The following WDPCP variants were observed in gnomAD, a reference collection of about 807,000 sequenced individuals.
The protein encoded by WDPCP is WD repeat containing planar cell polarity effector.
WDPCP carries 71 observed loss-of-function variants against 93.1 expected under a neutral mutation model. The observed-to-expected ratio is 0.76, with a 90% CI of 0.63 to 0.93. The LOEUF is 0.93. Ranked by LOEUF, WDPCP falls within the 40% of genes least tolerant of loss-of-function variation. The pLI is 0.00. For synonymous variants in WDPCP, 315 were observed against 315.0 expected (o/e 1.00, Z 0.00); for missense variants, 844 against 887.4 (o/e 0.95, Z 0.62).
At chr2:63,812,079 G>T (rs888575989) in intron 2 of WDPCP, among the ~76,000 whole-genome samples, 2 of 151,918 alleles carry the variant, frequency 1.3e-5, no homozygotes, top group Non-Finnish European at 1.5e-5. Flanking sequence ...TGCGCAAGCT[G>T]GTCTCGAACT....
intron 1 of WDPCP, among the ~76,000 whole-genome samples, chr2:63,530,891 T>C (rs1703782899): frequency 6.6e-6 from 1 of 151,304 alleles, no homozygotes. Context: ...AAGGCGGGCA[T>C]TGCCTCATCC....
chr2:63,753,808 C>T (rs982524148), intron 2 of WDPCP, among the ~76,000 whole-genome samples: 1 of 152,130 alleles, frequency 6.6e-6, no homozygotes, highest in Non-Finnish European at 1.5e-5. Context: ...GGTAGGGACA[C>T]AGATCCAAAC....
chr2:63,742,124 A>G (rs544748891), intron 2 of WDPCP, among the ~76,000 whole-genome samples: 3 of 152,190 alleles, frequency 2.0e-5, no homozygotes, highest in East Asian at 3.9e-4. Context: ...CTGTATGTCC[A>G]GGAATATTAG....
intron 1 of WDPCP, among the ~76,000 whole-genome samples, chr2:63,535,509 A>G (rs1418424849): frequency 6.6e-6 from 1 of 152,230 alleles, no homozygotes; most frequent in African/African-American, 2.4e-5. Flanking sequence ...GTACCAAAAC[A>G]GAGATATAGA....
chr2:63,245,836 G>C (rs1680227238), intron 14 of WDPCP, among the ~76,000 whole-genome samples: 1 of 152,092 alleles, frequency 6.6e-6, no homozygotes, highest in African/African-American at 2.4e-5. Context: ...TCGATATAGG[G>C]ATAAAATATG....
At chr2:63,472,802 C>G (rs539166809) in intron 6 of WDPCP, among the ~76,000 whole-genome samples, 26 of 152,274 alleles carry the variant, frequency 1.7e-4, no homozygotes, top group Non-Finnish European at 3.4e-4. Flanking sequence ...TCAGGTGATC[C>G]ACCCACCTTG....
chr2:63,818,552 A>G (rs893188235), intron 1 of WDPCP, among the ~76,000 whole-genome samples: 17 of 152,234 alleles, frequency 1.1e-4, no homozygotes, highest in African/African-American at 4.1e-4. Flanking sequence ...CAGTGGGAAC[A>G]AAGAAATGAA....
chr2:63,637,396 C>CA (rs1228126413), intron 3 of WDPCP, among the ~76,000 whole-genome samples: 4 of 67,112 alleles, frequency 6.0e-5, no homozygotes, highest in East Asian at 4.5e-4. Flanking sequence ...AAGAAACAAA[C>CA]AAAAAAAACC....
chr2:63,153,145 G>A, intron 16 of WDPCP, 200 bp from the exon 17 acceptor site: 1 of 600,016 alleles, frequency 1.7e-6, no homozygotes, highest in Admixed American at 3.0e-5. Flanking sequence ...TGGCTACCTT[G>A]CATTACAGTA....
intron 1 of WDPCP, among the ~76,000 whole-genome samples, chr2:63,575,443 ATACACTG>A (rs1558832556): frequency 1.4e-4 from 12 of 87,638 alleles, no homozygotes; most frequent in African/African-American, 6.9e-4. Flanking sequence ...TATACAGTGT[ATACACTG>A]TATATACAGT....
chr2:63,229,740 T>C (rs192938663), intron 14 of WDPCP: 1 of 152,082 alleles, frequency 6.6e-6, no homozygotes, highest in East Asian at 1.9e-4. Context: ...GATCAGATAG[T>C]TGTAGATATG....
intron 9 of WDPCP, among the ~76,000 whole-genome samples, chr2:63,419,159 T>C (rs933791022): frequency 2.6e-5 from 4 of 152,236 alleles, no homozygotes; most frequent in Non-Finnish European, 4.4e-5. Flanking sequence ...TTTTTGTTTT[T>C]TGAGATGGAG....
At chr2:63,764,844 A>T (rs1046255790) in intron 2 of WDPCP, among the ~76,000 whole-genome samples, 3 of 152,210 alleles carry the variant, frequency 2.0e-5, no homozygotes, top group Non-Finnish European at 4.4e-5. Context: ...TTCCAGGGTT[A>T]TATTGTCATT....
chr2:63,133,741 A>G lies in WDPCP; in HGVS notation c.2191-11685T>C, dbSNP rs550094005. Among the ~76,000 whole-genome samples the G allele has an allele frequency of 2.0e-5, 3 of 152,276 alleles. No homozygotes were observed. In the South Asian group the frequency reaches 6.2e-4, roughly 32 times the overall value. On this transcript the variant is annotated intron_variant, in intron 17 of 17. Coordinates refer to ENST00000272321, the MANE Select transcript of WDPCP (RefSeq NM_015910.7). ...TGAGTCAACTAAACTTCTTTCCTTT[A>G]TAAATTACCCAGTCTTAGATATTTA...
intron 14 of WDPCP, among the ~76,000 whole-genome samples, chr2:63,244,466 G>T (rs906443576): frequency 6.6e-6 from 1 of 152,102 alleles, no homozygotes; most frequent in Non-Finnish European, 1.5e-5. Context: ...TAGACTGCTA[G>T]CTTGGCTAGA....
intron 12 of WDPCP, among the ~76,000 whole-genome samples, chr2:63,366,569 T>C (rs1690929187): frequency 6.6e-6 from 1 of 152,292 alleles, no homozygotes; most frequent in East Asian, 1.9e-4. Flanking sequence ...GTTACATGGA[T>C]TATCATATTA....
At chr2:63,278,287 C>A (rs1413721982) in intron 13 of WDPCP, among the ~76,000 whole-genome samples, 3 of 152,024 alleles carry the variant, frequency 2.0e-5, no homozygotes, top group African/African-American at 4.8e-5. Flanking sequence ...GTTCATAGCA[C>A]TAAATGCCTA....
intron 6 of WDPCP, among the ~76,000 whole-genome samples, chr2:63,457,004 G>A (rs1384016043): frequency 6.6e-6 from 1 of 151,968 alleles, no homozygotes; most frequent in Non-Finnish European, 1.5e-5. Flanking sequence ...CTCCAGCCTG[G>A]GTGACAGAGT....
At chr2:63,706,336 T>C (rs896014812) in intron 2 of WDPCP, among the ~76,000 whole-genome samples, 2 of 152,194 alleles carry the variant, frequency 1.3e-5, no homozygotes, top group Admixed American at 6.5e-5. Flanking sequence ...GATCCTGTCA[T>C]TATGATGTTA....
Sources: gnomAD v4.1 joint callset for allele counts (sites outside exome capture counted in the v4.1 genomes callset) on GRCh38, gnomAD v4.1.1 for gene constraint, MANE v1.5 for transcripts, NCBI Gene and HGNC (gene_info 2026-07-23, HGNC 2026-07-21) for gene names.